Variants in MCPH1 observed in about 807,000 individuals in gnomAD.
MCPH1 encodes microcephalin 1.
MCPH1 carries 104 observed loss-of-function variants against 84.5 expected under a neutral mutation model. The ratio of observed to expected loss-of-function variants is 1.23; its 90% CI spans 1.05 to 1.45. The LOEUF is 1.45. MCPH1 is among the 40% of genes most tolerant of loss of function. MCPH1 has a pLI of 0.00. For synonymous variants in MCPH1, 514 were observed against 366.8 expected (o/e 1.40, Z -4.58); for missense variants, 1,498 against 1,005.7 (o/e 1.49, Z -6.62).
At chr8:6,621,886 C>A (rs1267087159) in intron 13 of MCPH1, among the ~76,000 whole-genome samples, 195 bp downstream of exon 13, 2 of 152,060 alleles carry the variant, frequency 1.3e-5, no homozygotes, top group Non-Finnish European at 2.9e-5. Context: ...AGCAGACGTA[C>A]AGTTCACGAG....
At chr8:6,466,021 C>T (rs1806873584) in intron 9 of MCPH1, among the ~76,000 whole-genome samples, 1 of 152,002 alleles carries the variant, frequency 6.6e-6, no homozygotes, top group South Asian at 2.1e-4. Flanking sequence ...GTGGCGCTAT[C>T]TTGGCTCACT....
intron 11 of MCPH1, among the ~76,000 whole-genome samples, chr8:6,497,339 G>T (rs1811352740): frequency 6.6e-6 from 1 of 151,062 alleles, no homozygotes; most frequent in Admixed American, 6.6e-5. Context: ...CAAAAAAAAA[G>T]AAAAAAGAAA....
chr8:6,446,103 A>G, intron 8 of MCPH1: 1 of 973,972 alleles, frequency 1.0e-6, no homozygotes, highest in Non-Finnish European at 1.2e-6. Context: ...ATCATTTGTA[A>G]CAAGCCTTGT....
chr8:6,447,987 C>G (rs114673180), intron 8 of MCPH1, among the ~76,000 whole-genome samples: 1,982 of 151,680 alleles, frequency 0.013, 43 homozygotes, highest in African/African-American at 0.045. Flanking sequence ...TTTCCATCTC[C>G]TCACTTGCCT....
chr8:6,550,418 C>G (rs1823428945), intron 12 of MCPH1, among the ~76,000 whole-genome samples: 1 of 152,250 alleles, frequency 6.6e-6, no homozygotes, highest in South Asian at 2.1e-4. Context: ...TCTACAGCCG[C>G]TTGTTGCCCT....
chr8:6,534,950 G>C (rs1820223358), intron 12 of MCPH1, among the ~76,000 whole-genome samples: 1 of 152,166 alleles, frequency 6.6e-6, no homozygotes, highest in Non-Finnish European at 1.5e-5. Context: ...AGTTAAAGCT[G>C]TGTGTCACCC....
intron 3 of MCPH1, among the ~76,000 whole-genome samples, chr8:6,415,680 G>C (rs562324807): frequency 6.6e-6 from 1 of 152,098 alleles, no homozygotes; most frequent in African/African-American, 2.4e-5. Context: ...CAGTAAATTT[G>C]TAGTAAGTTT....
intron 3 of MCPH1, among the ~76,000 whole-genome samples, chr8:6,426,991 AGTG>A (rs1801152446): frequency 3.3e-5 from 5 of 152,240 alleles, no homozygotes; most frequent in Admixed American, 3.3e-4. Context: ...GAGACATCAC[AGTG>A]TGTATTAACA....
chr8:6,429,436 C>T (rs1017045888), intron 3 of MCPH1, among the ~76,000 whole-genome samples: 3 of 152,260 alleles, frequency 2.0e-5, no homozygotes, highest in South Asian at 4.2e-4. Flanking sequence ...TGTGGCTTCA[C>T]CTGCGCCTCC....
Position 6,489,641 on chromosome 8 carries a change from T to C in MCPH1, c.2136+8765T>C, listed in dbSNP as rs57120191. ...ATTATTATCAGACATATTGCTGATA[T>C]GTTATTCCTAGACATAATGCTGCTG... On this transcript the variant is annotated intron_variant, in intron 11 of 13. Transcript: ENST00000344683. Among the ~76,000 whole-genome samples the C allele has an allele frequency of 1.3e-3, 191 of 152,304 alleles. 3 individuals carry two copies. The East Asian group carries it at 0.03, about 24-fold the overall frequency.
rs192704942 is a variant in MCPH1 at position 6,641,047 on chromosome 8, C to G, written c.2453-1947C>G. Among the ~76,000 whole-genome samples, 63 of 152,278 alleles carry G rather than the reference C, an allele frequency of 4.1e-4. 1 individual carries two copies. The Middle Eastern group carries it at 0.027, about 66-fold the overall frequency. Reference sequence around the variant, plus strand: ...CAGACTGTTTTGATATCTGGTATGTCAAATTTTTTCTCATCATTTCTCTTT... The same window carrying G: ...CAGACTGTTTTGATATCTGGTATGTGAAATTTTTTCTCATCATTTCTCTTT... On this transcript the variant is annotated intron_variant, in intron 13 of 13. Transcript: ENST00000344683.
In MCPH1 at chr8:6,590,205, C is replaced by CA. The variant is rs144736410; in HGVS notation, c.2215-31236dup. 1.6e-3 allele frequency among the ~76,000 whole-genome samples: 116 copies of CA among 71,530 alleles called. No individual in the cohort carries two copies. In the Middle Eastern group the frequency reaches 0.027, roughly 17 times the overall value. 46.9% of individuals were successfully genotyped at this position (71,530 alleles called of 152,430 possible). A position where few individuals can be genotyped will look rare whatever the true frequency, so the allele number is the denominator to read the frequency against. ...GAGTGTTATAATGTTAAGTGAACAA[C>CA]AAAAAAAAAAAAATACAGATCCAAC... On this transcript the variant is annotated intron_variant, in intron 12 of 13. Coordinates refer to ENST00000344683, the MANE Select transcript of MCPH1 (RefSeq NM_024596.5).
chr8:6,500,154 A>G (rs1035475766), intron 12 of MCPH1: 3 of 537,556 alleles, frequency 5.6e-6, no homozygotes, highest in Non-Finnish European at 1.0e-5. Flanking sequence ...GTCCAAAGAA[A>G]ATTTGACGAT....
chr8:6,420,430 A>C (rs1175071215), intron 3 of MCPH1, among the ~76,000 whole-genome samples: 1 of 152,062 alleles, frequency 6.6e-6, no homozygotes, highest in Non-Finnish European at 1.5e-5. Flanking sequence ...TTATTTTTCT[A>C]CTTATAGGTC....
chr8:6,446,752 A>G (rs1434264583), intron 8 of MCPH1: 1 of 985,214 alleles, frequency 1.0e-6, no homozygotes, highest in Non-Finnish European at 1.2e-6. Context: ...TTGAATAATA[A>G]TGACATGGAA....
At chr8:6,415,888 C>A (rs919893588) in intron 3 of MCPH1, among the ~76,000 whole-genome samples, 1 of 152,130 alleles carries the variant, frequency 6.6e-6, no homozygotes. Flanking sequence ...TGTATTGAAT[C>A]TCTAATTAGG....
intron 12 of MCPH1, among the ~76,000 whole-genome samples, chr8:6,540,831 G>T (rs578227895): frequency 1.3e-5 from 2 of 152,260 alleles, no homozygotes; most frequent in African/African-American, 4.8e-5. Context: ...CAGGGGCGCC[G>T]CAGGGTGGTT....
intron 8 of MCPH1, among the ~76,000 whole-genome samples, chr8:6,453,766 A>G (rs1805362796): frequency 6.6e-6 from 1 of 152,226 alleles, no homozygotes; most frequent in African/African-American, 2.4e-5. Flanking sequence ...CCCGGGGGAT[A>G]AAGTGGGCCT....
intron 12 of MCPH1, among the ~76,000 whole-genome samples, chr8:6,542,799 T>G (rs1233863211): frequency 6.6e-6 from 1 of 152,108 alleles, no homozygotes; most frequent in Non-Finnish European, 1.5e-5. Flanking sequence ...AGTGGGCAGT[T>G]TTTTTCTTTT....
Sources: gnomAD v4.1 joint callset for allele counts (sites outside exome capture counted in the v4.1 genomes callset) on GRCh38, gnomAD v4.1.1 for gene constraint, MANE v1.5 for transcripts, NCBI Gene and HGNC (gene_info 2026-07-23, HGNC 2026-07-21) for gene names.